Variants in SPIDR observed in about 807,000 individuals in gnomAD.
The protein encoded by SPIDR is scaffold protein involved in DNA repair, also known as DNA repair-scaffolding protein.
Under a neutral mutation model 104.6 loss-of-function variants are expected in SPIDR, and 93 were observed. The ratio of observed to expected loss-of-function variants is 0.89; its 90% CI spans 0.75 to 1.06. The LOEUF (loss-of-function observed/expected upper bound fraction) is 1.06. SPIDR is among the 50% of genes least tolerant of loss of function. The probability of loss-of-function intolerance (pLI) is 0.00; values close to 1 mark genes in which losing one functional copy is unlikely to be tolerated. For missense variants in SPIDR, 1,154 were observed against 1,111.2 expected (o/e 1.04, Z -0.55); for synonymous variants, 431 against 416.9 (o/e 1.03, Z -0.41).
intron 5 of SPIDR, among the ~76,000 whole-genome samples, chr8:47,307,627 C>T (rs889844289): frequency 2.0e-5 from 3 of 150,394 alleles, no homozygotes; most frequent in African/African-American, 4.9e-5. Flanking sequence ...CAACCTCTGC[C>T]TCCCGGGTTC....
rs1554658585 is a variant in SPIDR at position 47,396,502 on chromosome 8, CAG to C, written c.654_655del (p.Gln218HisfsTer26). The C allele has an allele frequency of 1.1e-5, 17 of 1,614,074 alleles. No homozygotes were observed. Among genetic ancestry groups the C allele is most frequent in the Non-Finnish European group, 1.4e-5 (16 of 1,180,010 alleles). The stretch of plus-strand genomic sequence containing the variant: ...CGTGCAGTTTGCATCGGATGCAAGA[CAG>C]ATTATGGAGAGACTGATAGATCCAA... ...YHVQFASDAR[Q>X]IMERLIDPRT... On this transcript the variant is annotated frameshift_variant, in exon 6 of 20. Coordinates refer to ENST00000297423, the MANE Select transcript of SPIDR (RefSeq NM_001080394.4). LOFTEE classifies it high-confidence loss of function.
chr8:47,455,757 A>T (rs779433266), intron 8 of SPIDR, among the ~76,000 whole-genome samples: 38 of 152,202 alleles, frequency 2.5e-4, no homozygotes, highest in Non-Finnish European at 4.3e-4. Flanking sequence ...TTTACAAGGG[A>T]TGCAGAGGAC....
intron 5 of SPIDR, among the ~76,000 whole-genome samples, chr8:47,320,477 T>G (rs1213782520): frequency 2.6e-5 from 4 of 151,984 alleles, no homozygotes; most frequent in South Asian, 2.1e-4. Flanking sequence ...ACAAAAAAAG[T>G]CCAGGACTGG....
intron 5 of SPIDR, among the ~76,000 whole-genome samples, chr8:47,303,239 C>T (rs369463173): frequency 3.9e-5 from 6 of 152,294 alleles, no homozygotes; most frequent in East Asian, 1.9e-4. Flanking sequence ...TAGGACTCTC[C>T]GAACCAGTTG....
At chr8:47,716,175 G>T (rs1190182198) in intron 16 of SPIDR, among the ~76,000 whole-genome samples, 1 of 152,048 alleles carries the variant, frequency 6.6e-6, no homozygotes, top group African/African-American at 2.4e-5. Context: ...GGCCAGGCTG[G>T]TCTTGAACTC....
chr8:47,628,301 T>C (rs183009672), intron 10 of SPIDR, among the ~76,000 whole-genome samples: 79 of 152,308 alleles, frequency 5.2e-4, no homozygotes, highest in Admixed American at 1.4e-3. Context: ...CATCATCTTA[T>C]GGGGATAGAG....
chr8:47,363,380 G>A (rs1297717216), intron 5 of SPIDR, among the ~76,000 whole-genome samples: 1 of 149,814 alleles, frequency 6.7e-6, no homozygotes. Context: ...TAATTTTTTT[G>A]TATTTTTAGT....
intron 8 of SPIDR, among the ~76,000 whole-genome samples, chr8:47,474,441 A>T (rs541046520): frequency 6.6e-6 from 1 of 152,234 alleles, no homozygotes; most frequent in Non-Finnish European, 1.5e-5. Flanking sequence ...TGGGAATGCC[A>T]GTGCCTATTA....
At chr8:47,608,253 A>G (rs1363684729) in intron 10 of SPIDR, among the ~76,000 whole-genome samples, 2 of 152,200 alleles carry the variant, frequency 1.3e-5, no homozygotes, top group East Asian at 3.8e-4. Flanking sequence ...AGGTTTATCC[A>G]TGTTGTGACA....
chr8:47,302,997 G>T (rs984442524), intron 5 of SPIDR, among the ~76,000 whole-genome samples: 10 of 151,964 alleles, frequency 6.6e-5, no homozygotes, highest in Non-Finnish European at 1.0e-4. Flanking sequence ...ATTTAATTCT[G>T]CAGAGATTTC....
intron 11 of SPIDR, among the ~76,000 whole-genome samples, chr8:47,687,470 G>A (rs561231633): frequency 3.3e-5 from 5 of 152,350 alleles, no homozygotes; most frequent in African/African-American, 9.6e-5. Flanking sequence ...CTTCAAAGCA[G>A]TGCTGCAACA....
chr8:47,589,774 T>G (rs2060766593), intron 8 of SPIDR, among the ~76,000 whole-genome samples: 1 of 152,170 alleles, frequency 6.6e-6, no homozygotes, highest in Non-Finnish European at 1.5e-5. Context: ...TCTTCTGCCT[T>G]TTTTCATTTT....
At chr8:47,502,500 T>G (rs1477765739) in intron 8 of SPIDR, among the ~76,000 whole-genome samples, 1 of 152,230 alleles carries the variant, frequency 6.6e-6, no homozygotes, top group Non-Finnish European at 1.5e-5. Flanking sequence ...CCTTTATCAT[T>G]TTTTATTGCG....
chr8:47,521,506 C>T (rs536243309), intron 8 of SPIDR, among the ~76,000 whole-genome samples: 14 of 151,526 alleles, frequency 9.2e-5, no homozygotes, highest in African/African-American at 2.4e-5. Context: ...TAACCTCCGC[C>T]TCCTGGGTCC....
At chr8:47,545,311 C>T (rs936587164) in intron 8 of SPIDR, among the ~76,000 whole-genome samples, 3 of 151,814 alleles carry the variant, frequency 2.0e-5, no homozygotes, top group Non-Finnish European at 4.4e-5. Context: ...CTAAGTGATT[C>T]GCCCTCTTTG....
intron 10 of SPIDR, among the ~76,000 whole-genome samples, chr8:47,607,790 C>G (rs2063138795): frequency 6.6e-6 from 1 of 151,824 alleles, no homozygotes; most frequent in African/African-American, 2.4e-5. Flanking sequence ...TGTCCACATG[C>G]CAACTTACTG....
At chr8:47,581,555 C>T (rs2059697396) in intron 8 of SPIDR, among the ~76,000 whole-genome samples, 1 of 152,136 alleles carries the variant, frequency 6.6e-6, no homozygotes, top group African/African-American at 2.4e-5. Context: ...AGCATAGTAG[C>T]CCTGCTGGAC....
chr8:47,464,113 TACACAC>T (rs113515816), intron 8 of SPIDR, among the ~76,000 whole-genome samples: 6,575 of 143,400 alleles, frequency 0.046, 150 homozygotes, highest in Middle Eastern at 0.083. Flanking sequence ...CTAAAGATTA[TACACAC>T]ACACACACAC....
At chr8:47,342,312 T>C (rs1368253915) in intron 5 of SPIDR, among the ~76,000 whole-genome samples, 1 of 151,128 alleles carries the variant, frequency 6.6e-6, no homozygotes, top group Non-Finnish European at 1.5e-5. Flanking sequence ...CCATCTTCTA[T>C]TGTACTTTCA....
Sources: allele counts gnomAD v4.1 joint callset (sites outside exome capture counted in the v4.1 genomes callset), GRCh38; gene constraint gnomAD v4.1.1; transcripts MANE v1.5; gene names NCBI Gene and HGNC (gene_info 2026-07-23, HGNC 2026-07-21).